The following ASTN1 variants were observed in gnomAD, a reference collection of about 807,000 sequenced individuals.
The protein encoded by ASTN1 is astrotactin 1, also known as astrotactin-1.
A neutral mutation model predicts 140.7 loss-of-function variants in ASTN1; 41 were observed. The observed-to-expected ratio is 0.29, with a 90% CI of 0.23 to 0.38. The LOEUF is 0.38. Among genes scored for constraint, ASTN1 ranks in the 10% least tolerant of loss-of-function variants. The pLI is 1.00. For synonymous variants in ASTN1, 640 were observed against 652.2 expected (o/e 0.98, Z 0.29); for missense variants, 1,479 against 1,678.8 (o/e 0.88, Z 2.08).
intron 2 of ASTN1, among the ~76,000 whole-genome samples, chr1:177,045,327 G>A (rs2102002125): frequency 6.6e-6 from 1 of 152,316 alleles, no homozygotes; most frequent in African/African-American, 2.4e-5. Context: ...GCACGGGGCT[G>A]ACACTCAGTG....
intron 16 of ASTN1, among the ~76,000 whole-genome samples, chr1:176,910,583 C>T (rs1428568539): frequency 3.9e-5 from 6 of 152,228 alleles, no homozygotes; most frequent in Admixed American, 6.5e-5. Context: ...TGCTTAATGA[C>T]AGGGACACAT....
At chr1:177,123,479 G>A (rs558387411) in intron 1 of ASTN1, among the ~76,000 whole-genome samples, 2 of 152,238 alleles carry the variant, frequency 1.3e-5, no homozygotes, top group African/African-American at 2.4e-5. Context: ...TGCCATGAAG[G>A]AGGCACAGTA....
chr1:176,929,326 T>C (rs1671104582), intron 16 of ASTN1, among the ~76,000 whole-genome samples: 1 of 152,192 alleles, frequency 6.6e-6, no homozygotes, highest in Non-Finnish European at 1.5e-5. Flanking sequence ...ATAAAAGGGA[T>C]GCAGGAGGAG....
intron 4 of ASTN1, 58 bp downstream of exon 4, chr1:177,030,748 C>A (rs1676390486): frequency 2.5e-6 from 4 of 1,601,776 alleles, no homozygotes; most frequent in Admixed American, 1.7e-5. Context: ...TATTAATGGC[C>A]CTGCCTCTAC....
At chr1:177,070,557 T>A (rs1678587217) in intron 1 of ASTN1, among the ~76,000 whole-genome samples, 1 of 132,930 alleles carries the variant, frequency 7.5e-6, no homozygotes, top group South Asian at 2.8e-4. Flanking sequence ...GTTCTTATCA[T>A]CTAAGATTCA....
rs186368624 is a variant in ASTN1, at chr1:177,114,070, C to T, written c.283+50324G>A. Among the ~76,000 whole-genome samples, 8 of 152,244 alleles carry T rather than the reference C, an allele frequency of 5.3e-5. No homozygotes were observed. In the East Asian group the frequency reaches 1.5e-3, roughly 29 times the overall value. ...AATATCATTCAAGGCAAACATGTTG[C>T]CTGGCAGAGCTCAAAGGGAGTACAG... is the stretch of plus-strand genomic sequence containing the variant. On this transcript the variant is annotated intron_variant, in intron 1 of 22. Transcript: ENST00000361833.
chr1:177,049,302 C>T (rs1215851639), intron 2 of ASTN1, among the ~76,000 whole-genome samples: 5 of 152,108 alleles, frequency 3.3e-5, no homozygotes, highest in African/African-American at 1.2e-4. Flanking sequence ...TTTATGTTAT[C>T]ATTTATTTGT....
intron 5 of ASTN1, among the ~76,000 whole-genome samples, chr1:177,027,612 C>T (rs1405613275): frequency 6.6e-6 from 1 of 150,968 alleles, no homozygotes; most frequent in Non-Finnish European, 1.5e-5. Context: ...TCCTTTAAAA[C>T]ACCATGTTCT....
chr1:177,005,887 G>T (rs901711668), intron 8 of ASTN1, among the ~76,000 whole-genome samples: 1 of 152,194 alleles, frequency 6.6e-6, no homozygotes, highest in Admixed American at 6.5e-5. Context: ...GGGATTACAA[G>T]CGTGAGCCAC....
At chr1:176,939,120 A>T (rs183970388) in intron 14 of ASTN1, among the ~76,000 whole-genome samples, 22 of 152,276 alleles carry the variant, frequency 1.4e-4, no homozygotes, top group African/African-American at 5.1e-4. Context: ...TCAAAAAAAA[A>T]AAAAGAAAGT....
At chr1:177,159,411 A>G (rs76142834) in intron 1 of ASTN1, among the ~76,000 whole-genome samples, 3,012 of 152,300 alleles carry the variant, frequency 0.02, 99 homozygotes, top group African/African-American at 0.068. Context: ...TAGTGGAGAG[A>G]AAAAAGAAGG....
At chr1:176,874,835 C>A (rs1026655510) in intron 21 of ASTN1, among the ~76,000 whole-genome samples, 1 of 151,986 alleles carries the variant, frequency 6.6e-6, no homozygotes, top group Non-Finnish European at 1.5e-5. Context: ...AACTGAGGCA[C>A]GGGGTGAAGT....
chr1:177,005,673 G>A (rs1368665113), intron 8 of ASTN1, among the ~76,000 whole-genome samples: 1 of 152,088 alleles, frequency 6.6e-6, no homozygotes, highest in African/African-American at 2.4e-5. Context: ...TATAAAATGT[G>A]TGTGTGTGTA....
chr1:177,110,173 T>C (rs1036011493), intron 1 of ASTN1, among the ~76,000 whole-genome samples: 5 of 152,190 alleles, frequency 3.3e-5, no homozygotes, highest in Admixed American at 2.6e-4. Flanking sequence ...TGAAAAAATA[T>C]TAATTGGGAT....
At chr1:176,970,608 C>T (rs373484754) in intron 8 of ASTN1, among the ~76,000 whole-genome samples, 20 of 146,178 alleles carry the variant, frequency 1.4e-4, no homozygotes, top group African/African-American at 3.7e-4. Flanking sequence ...GATAGATAGA[C>T]AGACAGACAG....
chr1:176,994,219 T>C (rs1558017253), intron 8 of ASTN1, among the ~76,000 whole-genome samples: 1 of 151,976 alleles, frequency 6.6e-6, no homozygotes, highest in African/African-American at 2.4e-5. Context: ...TAAAAGTTGC[T>C]GTAAGGCCTG....
chr1:177,062,326 A>C (rs186826346), intron 1 of ASTN1, among the ~76,000 whole-genome samples: 117 of 151,522 alleles, frequency 7.7e-4, no homozygotes, highest in Non-Finnish European at 1.6e-3. Flanking sequence ...TTGTGGCCTC[A>C]ACCTCCTGGG....
Position 176,982,785 on chromosome 1 carries a change from T to G in ASTN1, c.1524-17548A>C, listed in dbSNP as rs574436583. ...CATAGAGAGAGAACAATTGCTTTAC[T>G]TTGTGCCTGACCCTGTGATAGACAA... On this transcript the variant is annotated intron_variant, in intron 8 of 22. Coordinates refer to ENST00000361833, the MANE Select transcript of ASTN1 (RefSeq NM_004319.3). Among the ~76,000 whole-genome samples, 4 of 152,316 alleles carry G rather than the reference T, an allele frequency of 2.6e-5. No individual in the cohort carries two copies. The South Asian group carries it at 6.2e-4, about 24-fold the overall frequency.
rs1238318131 is a variant in ASTN1, at chr1:176,864,656, C to T, written c.3648-135G>A. ...GTTTTGCTCCCTATTTTATCTTTGG[C>T]ACTTGGAACAGTGAGTCCTCCAAAA... On this transcript the variant is annotated intron_variant, in intron 22 of 22. Transcript: ENST00000361833. The T allele has an allele frequency of 3.1e-6, 4 of 1,294,098 alleles. No individual in the cohort carries two copies. The African/African-American group carries it at 5.9e-5, about 19-fold the overall frequency. The allele number at this position is 1,294,098 out of a possible 1,614,324, so 80.2% of individuals were successfully genotyped here. A position where few individuals can be genotyped will look rare whatever the true frequency, so the allele number is the denominator to read the frequency against.
Sources: allele counts gnomAD v4.1 joint callset (sites outside exome capture counted in the v4.1 genomes callset), GRCh38; gene constraint gnomAD v4.1.1; transcripts MANE v1.5; gene names NCBI Gene and HGNC (gene_info 2026-07-23, HGNC 2026-07-21).